Variants in GNG4 observed in about 807,000 individuals in gnomAD.
GNG4 encodes the protein G protein subunit gamma 4, also known as guanine nucleotide-binding protein G(I)/G(S)/G(O) subunit gamma-4.
GNG4 carries 4 observed loss-of-function variants against 5.8 expected under a neutral mutation model. The observed-to-expected ratio is 0.69, with a 90% CI of 0.34 to 1.57. The LOEUF is 1.57. Among genes scored for constraint, GNG4 ranks in the 40% most tolerant of loss-of-function variants. GNG4 has a pLI of 0.06. For missense variants in GNG4, 96 were observed against 95.1 expected (o/e 1.01, Z -0.04); for synonymous variants, 29 against 32.9 (o/e 0.88, Z 0.41).
chr1:235,594,309 C>G (rs1688069305), intron 2 of GNG4, among the ~76,000 whole-genome samples: 2 of 152,200 alleles, frequency 1.3e-5, no homozygotes, highest in Admixed American at 1.3e-4. Flanking sequence ...TATTTACAAT[C>G]CCTTAGCTAG....
intron 1 of GNG4, among the ~76,000 whole-genome samples, chr1:235,630,032 A>C (rs1477546235): frequency 6.6e-6 from 1 of 152,202 alleles, no homozygotes; most frequent in Non-Finnish European, 1.5e-5. Context: ...TGGACAATGA[A>C]TTATTTCCAA....
In GNG4 at chr1:235,609,476, G is replaced by C. The variant is rs183887521; in HGVS notation, c.-122-13965C>G. On this transcript the variant is annotated intron_variant, in intron 1 of 3. Coordinates refer to ENST00000391854, the MANE Select transcript of GNG4 (RefSeq NM_001098722.2). The stretch of plus-strand genomic sequence containing the variant: ...TGGTACCCTCTCTTGGTTGTGATTC[G>C]CATTTGCCTAATGACTAATGATGTG... Among the ~76,000 whole-genome samples, 4 of 151,962 alleles carry C rather than the reference G, an allele frequency of 2.6e-5. No homozygotes were observed. In the East Asian group the frequency reaches 7.7e-4, roughly 29 times the overall value.
chr1:235,581,742 A>T (rs942612588), intron 3 of GNG4, among the ~76,000 whole-genome samples: 1 of 152,034 alleles, frequency 6.6e-6, no homozygotes, highest in Non-Finnish European at 1.5e-5. Context: ...AGTCCCAGGG[A>T]TTTCTTTACA....
chr1:235,620,242 G>A (rs1688677749), intron 1 of GNG4, among the ~76,000 whole-genome samples: 1 of 152,138 alleles, frequency 6.6e-6, no homozygotes, highest in South Asian at 2.1e-4. Flanking sequence ...GTGCACGTCT[G>A]TAATCCCAGC....
chr1:235,609,563 T>C (rs1353377805), intron 1 of GNG4, among the ~76,000 whole-genome samples: 1 of 152,212 alleles, frequency 6.6e-6, no homozygotes, highest in East Asian at 1.9e-4. Context: ...TAACATTAAA[T>C]ATTTTGAATT....
chr1:235,594,750 C>T (rs1193239311), intron 2 of GNG4, among the ~76,000 whole-genome samples: 15 of 152,338 alleles, frequency 9.8e-5, no homozygotes, highest in East Asian at 3.9e-4. Context: ...CCCCAGTTCC[C>T]GCCCGTGCCT....
intron 1 of GNG4, among the ~76,000 whole-genome samples, chr1:235,637,052 C>A (rs1015976391): frequency 1.1e-5 from 1 of 95,204 alleles, no homozygotes; most frequent in African/African-American, 3.5e-5. Flanking sequence ...AGCCAGACTC[C>A]GTCTCAAAAA....
intron 3 of GNG4, among the ~76,000 whole-genome samples, chr1:235,576,585 C>T (rs1490469953): frequency 2.0e-5 from 3 of 152,084 alleles, no homozygotes; most frequent in Non-Finnish European, 2.9e-5. Context: ...CTCATGCCTG[C>T]GACAACCTGG....
chr1:235,616,828 T>G (rs1267338887), intron 1 of GNG4, among the ~76,000 whole-genome samples: 3 of 151,886 alleles, frequency 2.0e-5, no homozygotes, highest in African/African-American at 7.3e-5. Context: ...AACCTCCACC[T>G]TCCAGGTTCA....
At chr1:235,641,562 G>A (rs1486367112) in intron 1 of GNG4, among the ~76,000 whole-genome samples, 1 of 152,170 alleles carries the variant, frequency 6.6e-6, no homozygotes, top group Non-Finnish European at 1.5e-5. Context: ...GTGGTGGCGG[G>A]CGCCTGTAAT....
chr1:235,623,726 C>T (rs1688754137), intron 1 of GNG4, among the ~76,000 whole-genome samples: 1 of 152,176 alleles, frequency 6.6e-6, no homozygotes, highest in South Asian at 2.1e-4. Flanking sequence ...TGACCACTTT[C>T]ACCTTTTAAA....
At chr1:235,599,465 A>C (rs1208686735) in intron 1 of GNG4, among the ~76,000 whole-genome samples, 1 of 151,640 alleles carries the variant, frequency 6.6e-6, no homozygotes, top group Non-Finnish European at 1.5e-5. Flanking sequence ...TACAGGCGCG[A>C]GCCAACACGC....
At chr1:235,572,464 T>C (rs1350643879) in intron 3 of GNG4, among the ~76,000 whole-genome samples, 4 of 151,660 alleles carry the variant, frequency 2.6e-5, no homozygotes, top group Non-Finnish European at 5.9e-5. Context: ...CCTCACAAAG[T>C]GCTGGGATTA....
intron 3 of GNG4, among the ~76,000 whole-genome samples, chr1:235,556,502 G>A (rs931404461): frequency 1.4e-5 from 2 of 147,136 alleles, no homozygotes; most frequent in Non-Finnish European, 3.0e-5. Flanking sequence ...AGGTTGCAGT[G>A]AGCTGAGGTC....
rs1407819547 is a variant in GNG4 at position 235,550,851 on chromosome 1, G to T, written c.*1258C>A. On this transcript the variant is annotated 3_prime_UTR_variant, in exon 4 of 4. Transcript: ENST00000391854. ...CAGACATGCACTTATGGTATTTATTGTTGGAAGATTGAGTACCTTAATGCA... is the reference window on the plus strand; with the variant it reads ...CAGACATGCACTTATGGTATTTATTTTTGGAAGATTGAGTACCTTAATGCA... 1.3e-5 allele frequency: 2 copies of T among 152,158 alleles called. No individual in the cohort carries two copies. The highest frequency in any genetic ancestry group is 6.5e-5 in the Admixed American group (1 of 15,274). 9.4% of individuals were successfully genotyped at this position (152,158 alleles called of 1,614,324 possible). A position where few individuals can be genotyped will look rare whatever the true frequency, so the allele number is the denominator to read the frequency against.
At chr1:235,634,697 C>A (rs1180360956) in intron 1 of GNG4, among the ~76,000 whole-genome samples, 2 of 152,214 alleles carry the variant, frequency 1.3e-5, no homozygotes, top group African/African-American at 4.8e-5. Flanking sequence ...AATCCCAGCA[C>A]TTTGGGAGGC....
chr1:235,581,349 G>A (rs1475725967), intron 3 of GNG4, among the ~76,000 whole-genome samples: 2 of 151,982 alleles, frequency 1.3e-5, no homozygotes, highest in East Asian at 3.9e-4. Context: ...CCAACACGGT[G>A]AAACCCCGTC....
intron 1 of GNG4, among the ~76,000 whole-genome samples, chr1:235,596,791 T>TC (rs1688134938): frequency 6.6e-6 from 1 of 152,012 alleles, no homozygotes. Context: ...AGTGGAAAAA[T>TC]CACGGCTCAC....
At chr1:235,636,852 C>T (rs901798397) in intron 1 of GNG4, among the ~76,000 whole-genome samples, 1 of 152,060 alleles carries the variant, frequency 6.6e-6, no homozygotes, top group Non-Finnish European at 1.5e-5. Context: ...ACCCCAGCTG[C>T]TACCTCTTAC....
Sources: allele counts gnomAD v4.1 joint callset (sites outside exome capture counted in the v4.1 genomes callset), GRCh38; gene constraint gnomAD v4.1.1; transcripts MANE v1.5; gene names NCBI Gene and HGNC (gene_info 2026-07-23, HGNC 2026-07-21).